Variants in PTPRN2 observed in about 807,000 individuals in gnomAD.
The protein encoded by PTPRN2 is protein tyrosine phosphatase receptor type N2, also known as receptor-type tyrosine-protein phosphatase N2.
PTPRN2 carries 74 observed loss-of-function variants against 118.8 expected under a neutral mutation model. That is an observed-to-expected ratio of 0.62 (90% confidence interval 0.52 to 0.76). The LOEUF (loss-of-function observed/expected upper bound fraction) is 0.76, where lower values mean the gene tolerates loss of function less well. Among genes scored for constraint, PTPRN2 ranks in the 30% least tolerant of loss-of-function variants. PTPRN2 has a pLI of 0.00. For missense variants in PTPRN2, 1,481 were observed against 1,394.4 expected, an observed-to-expected ratio of 1.06 and a Z score of -0.99; for synonymous variants, 641 against 608.0, an observed-to-expected ratio of 1.05 and a Z score of -0.80.
At chr7:158,269,926 A>T (rs567329609) in intron 3 of PTPRN2, among the ~76,000 whole-genome samples, 4 of 152,148 alleles carry the variant, frequency 2.6e-5, no homozygotes. Flanking sequence ...AAACAGAGAG[A>T]CAGAGATAGA....
intron 1 of PTPRN2, among the ~76,000 whole-genome samples, chr7:158,528,364 C>G (rs1240027506): frequency 6.6e-6 from 1 of 152,218 alleles, no homozygotes; most frequent in Admixed American, 6.5e-5. Flanking sequence ...CACTCAATCA[C>G]TCCCCAGAGC....
chr7:157,586,500 C>G (rs1413765356), intron 17 of PTPRN2, among the ~76,000 whole-genome samples: 1 of 152,200 alleles, frequency 6.6e-6, no homozygotes, highest in Non-Finnish European at 1.5e-5. Context: ...AACCAAGGAC[C>G]CAGAGCAGAC....
At chr7:158,037,454 T>C (rs573513586) in intron 11 of PTPRN2, among the ~76,000 whole-genome samples, 13 of 152,344 alleles carry the variant, frequency 8.5e-5, no homozygotes, top group African/African-American at 3.1e-4. Flanking sequence ...CTGAGTGCTG[T>C]AGGCAATTGT....
At chr7:157,645,809 A>G (rs1178768192) in intron 14 of PTPRN2, among the ~76,000 whole-genome samples, 3 of 152,160 alleles carry the variant, frequency 2.0e-5, no homozygotes, top group Admixed American at 1.3e-4. Context: ...CCTTCCCCAC[A>G]ATGATGCCGA....
chr7:157,872,546 C>T (rs553187992), intron 12 of PTPRN2, among the ~76,000 whole-genome samples: 2 of 152,364 alleles, frequency 1.3e-5, no homozygotes, highest in African/African-American at 4.8e-5. Context: ...ATACCCAGTG[C>T]CTTCCCACGC....
rs573184240 is a variant in PTPRN2 at position 157,560,914 on chromosome 7, C to T, written c.2902+7988G>A. On this transcript the variant is annotated intron_variant, in intron 21 of 22. Coordinates refer to ENST00000389418, the MANE Select transcript of PTPRN2 (RefSeq NM_002847.5). The surrounding 1 kb of genome is among the most constrained non-coding windows in gnomAD (Gnocchi z 6.7). Reference sequence around the variant, plus strand: ...AATTCTGCCCAGCCCTCGCGTCCCCCTAAGTCTCATCTGCAGAAGGCTGAG... The same window carrying T: ...AATTCTGCCCAGCCCTCGCGTCCCCTTAAGTCTCATCTGCAGAAGGCTGAG... 6.6e-6 allele frequency among the ~76,000 whole-genome samples: 1 copy of T among 152,296 alleles called. No individual in the cohort carries two copies. Among genetic ancestry groups the T allele is most frequent in the East Asian group, 1.9e-4 (1 of 5,184 alleles).
chr7:157,847,925 C>G (rs1325878950), intron 12 of PTPRN2, among the ~76,000 whole-genome samples: 1 of 150,630 alleles, frequency 6.6e-6, no homozygotes, highest in Admixed American at 6.6e-5. Context: ...ATCATGTGTG[C>G]CCGATGTCTA....
chr7:158,118,363 TC>T (rs1439184292), intron 9 of PTPRN2, among the ~76,000 whole-genome samples: 3 of 152,126 alleles, frequency 2.0e-5, no homozygotes, highest in Non-Finnish European at 2.9e-5. Flanking sequence ...TTAAATCTAA[TC>T]CTCTATGATA....
chr7:158,270,812 GGA>G (rs1798326080), intron 3 of PTPRN2, among the ~76,000 whole-genome samples: 454 of 6,102 alleles, frequency 0.074, 70 homozygotes, highest in African/African-American at 0.2. Context: ...CCCCTCACCT[GGA>G]CCGCCCCCTC....
intron 6 of PTPRN2, among the ~76,000 whole-genome samples, chr7:158,145,001 G>C (rs1298403479): frequency 6.6e-6 from 1 of 151,604 alleles, no homozygotes; most frequent in African/African-American, 2.4e-5. Context: ...GGCTCGGCAA[G>C]ACTTCCCTCA....
intron 11 of PTPRN2, among the ~76,000 whole-genome samples, chr7:157,995,750 G>A (rs572673874): frequency 3.7e-4 from 56 of 152,390 alleles, no homozygotes; most frequent in South Asian, 1.7e-3. Flanking sequence ...ACGTGTGCAT[G>A]TGGAGGTGCA....
intron 3 of PTPRN2, among the ~76,000 whole-genome samples, chr7:158,262,590 TCACA>T (rs899252378): frequency 2.3e-5 from 2 of 88,430 alleles, no homozygotes; most frequent in African/African-American, 9.8e-5. Flanking sequence ...GCACACACAT[TCACA>T]CACATTCACA....
At chr7:158,168,820 C>G (rs1823264413) in intron 5 of PTPRN2, among the ~76,000 whole-genome samples, 1 of 152,150 alleles carries the variant, frequency 6.6e-6, no homozygotes, top group African/African-American at 2.4e-5. Flanking sequence ...CCCAGCTGTC[C>G]TCACCTCTAG....
At chr7:158,462,085 G>A (rs1438732533) in intron 2 of PTPRN2, among the ~76,000 whole-genome samples, 1 of 152,288 alleles carries the variant, frequency 6.6e-6, no homozygotes, top group African/African-American at 2.4e-5. Flanking sequence ...CACGCCCTGT[G>A]CTGCTCTGCT....
intron 11 of PTPRN2, among the ~76,000 whole-genome samples, chr7:158,056,924 G>A (rs552118724): frequency 2.6e-5 from 4 of 152,206 alleles, no homozygotes; most frequent in South Asian, 2.1e-4. Context: ...TGCTCCACTC[G>A]TGGCATTCCA....
intron 2 of PTPRN2, among the ~76,000 whole-genome samples, chr7:158,454,797 A>G (rs879674723): frequency 6.6e-6 from 1 of 152,218 alleles, no homozygotes; most frequent in African/African-American, 2.4e-5. Flanking sequence ...CAATGACGAG[A>G]GAGCCTCTTT....
At chr7:158,341,520 C>G (rs56400282) in intron 2 of PTPRN2, among the ~76,000 whole-genome samples, 4 of 126,044 alleles carry the variant, frequency 3.2e-5, no homozygotes, top group African/African-American at 1.2e-4. Context: ...CACTCACACC[C>G]ACACTCTCAC....
At chr7:157,692,544 C>T (rs984464555) in intron 12 of PTPRN2, among the ~76,000 whole-genome samples, 2 of 152,224 alleles carry the variant, frequency 1.3e-5, no homozygotes. Flanking sequence ...ACCCCGTTTC[C>T]TCTGACTGCA....
intron 2 of PTPRN2, among the ~76,000 whole-genome samples, chr7:158,430,549 A>G (rs1816092731): frequency 6.6e-6 from 1 of 152,244 alleles, no homozygotes; most frequent in Non-Finnish European, 1.5e-5. Flanking sequence ...CTGAGAGTCA[A>G]GATCACTGCA....
Sources: allele counts gnomAD v4.1 joint callset (sites outside exome capture counted in the v4.1 genomes callset), GRCh38; gene constraint gnomAD v4.1.1; non-coding constraint Gnocchi (gnomAD v3.1); transcripts MANE v1.5; gene names NCBI Gene and HGNC (gene_info 2026-07-23, HGNC 2026-07-21).